SPAG17: variants seen among roughly 807,000 people sequenced by gnomAD.
SPAG17 encodes sperm associated antigen 17.
A neutral mutation model predicts 273.6 loss-of-function variants in SPAG17; 169 were observed. The observed-to-expected ratio is 0.62, with a 90% CI of 0.55 to 0.70. The LOEUF (loss-of-function observed/expected upper bound fraction) is 0.70. Ranked by LOEUF, SPAG17 falls within the 30% of genes least tolerant of loss-of-function variation. The pLI is 0.00. For synonymous variants in SPAG17, 825 were observed against 873.2 expected (o/e 0.94, Z 0.97); for missense variants, 2,557 against 2,627.8 (o/e 0.97, Z 0.59).
rs1457771006 is a variant in SPAG17, at chr1:118,150,556, G to A, written c.302C>T (p.Pro101Leu). 2 of 1,564,770 alleles carry A rather than the reference G, an allele frequency of 1.3e-6. No individual in the cohort carries two copies. Among genetic ancestry groups the A allele is most frequent in the Admixed American group, 3.5e-5 (2 of 56,968 alleles). ...ACTTTCACTTACCTCATAATATAAA[G>A]GAGCATTACCACCTACAGGTTTTTT... The part of the protein sequence containing the change: ...KAKKPVGGNA[P>L]LYYEVLTAAK... The change falls in exon 3 of 49, where the codon CCT becomes CTT. Residue 101 changes from proline (P) to leucine (L), a missense_variant. Physicochemically the swap from Pro to Leu is moderately conservative, Grantham distance 98. Transcript: ENST00000336338.
chr1:117,976,116 C>T (rs749484026), intron 43 of SPAG17, among the ~76,000 whole-genome samples: 13 of 152,126 alleles, frequency 8.5e-5, no homozygotes, highest in Non-Finnish European at 1.6e-4. Flanking sequence ...CCAGGTAGAG[C>T]CTGTACTCTT....
At chr1:118,098,642 C>T (rs1238250509) in intron 6 of SPAG17, among the ~76,000 whole-genome samples, 2 of 152,054 alleles carry the variant, frequency 1.3e-5, no homozygotes, top group African/African-American at 4.8e-5. Flanking sequence ...TGAACCTCAA[C>T]TTTTTAACTT....
At chr1:118,000,751 A>G (rs1205516316) in intron 32 of SPAG17, among the ~76,000 whole-genome samples, 1 of 152,114 alleles carries the variant, frequency 6.6e-6, no homozygotes, top group Admixed American at 6.6e-5. Flanking sequence ...TAAATATACA[A>G]TCATGTCATC....
At chr1:117,994,355 T>TTGGA (rs1256770550) in intron 35 of SPAG17, 51 bp downstream of exon 35, 43 of 1,562,934 alleles carry the variant, frequency 2.8e-5, no homozygotes, top group Non-Finnish European at 3.7e-5. Flanking sequence ...TCCATTGCCC[T>TTGGA]TGGATGGATG....
chr1:118,023,467 A>T lies in SPAG17; in HGVS notation c.3910-4T>A, dbSNP rs1291857849. The T allele has an allele frequency of 9.4e-6, 15 of 1,603,172 alleles. No individual in the cohort carries two copies. Among genetic ancestry groups the T allele is most frequent in the Non-Finnish European group, 1.3e-5 (15 of 1,174,946 alleles). ...CAGCACCATCTGCAAAGAGAATCTG[A>T]AGAATGAACAAAAGTTTTCAGCATT... On this transcript the variant is annotated splice_polypyrimidine_tract_variant and splice_region_variant and intron_variant, in intron 27 of 48. Transcript: ENST00000336338.
At chr1:118,090,868 G>C (rs973460126) in intron 10 of SPAG17, among the ~76,000 whole-genome samples, 9 of 152,034 alleles carry the variant, frequency 5.9e-5, no homozygotes, top group African/African-American at 2.2e-4. Flanking sequence ...AGGGGACAGA[G>C]AGAGACCCTG....
intron 46 of SPAG17, among the ~76,000 whole-genome samples, chr1:117,967,117 T>C (rs1032407097): frequency 2.4e-4 from 36 of 152,158 alleles, no homozygotes; most frequent in African/African-American, 7.9e-4. Flanking sequence ...TAGTGAAATC[T>C]GCAATAGCGG....
rs116790674 is a variant in SPAG17 at position 118,086,984 on chromosome 1, C to T, written c.1384G>A (p.Val462Ile). Reference sequence around the variant, plus strand: ...GATGGCTCCCGCAGACTGGGTGGGACGAGATCTTCTTCAGTTGCAACAACC... The same window carrying T: ...GATGGCTCCCGCAGACTGGGTGGGATGAGATCTTCTTCAGTTGCAACAACC... ...EQVVATEEDLVPPSLREPSPR... is the reference protein window; with the variant it reads ...EQVVATEEDLIPPSLREPSPR... The change falls in exon 11 of 49, where the codon GTC becomes ATC. Residue 462 changes from valine to isoleucine, a missense_variant. By Grantham distance (29) the Val-to-Ile change is conservative. Transcript: ENST00000336338. 7.7e-4 allele frequency: 1,207 copies of T among 1,570,666 alleles called. 13 individuals are homozygous for T. In the African/African-American group the frequency reaches 0.015, roughly 19 times the overall value.
At chr1:118,092,779 A>T (rs1288982497) in intron 8 of SPAG17, among the ~76,000 whole-genome samples, 2 of 152,366 alleles carry the variant, frequency 1.3e-5, no homozygotes, top group East Asian at 3.9e-4. Context: ...CTTGACTGCC[A>T]TCCTCTTTAA....
At chr1:118,037,669 G>A (rs1453904980) in intron 23 of SPAG17, among the ~76,000 whole-genome samples, 1 of 152,156 alleles carries the variant, frequency 6.6e-6, no homozygotes, top group Non-Finnish European at 1.5e-5. Flanking sequence ...GTGCTGCAAA[G>A]TATATGTTTT....
At chr1:117,959,237 T>C in intron 48 of SPAG17, 1 of 1,578,520 alleles carries the variant, frequency 6.3e-7, no homozygotes, top group Non-Finnish European at 8.6e-7. Flanking sequence ...CATACGCTGC[T>C]ATAATGAATT....
rs150874023 is a variant in SPAG17, at chr1:118,167,419, T to C, written c.88-16050A>G. Among the ~76,000 whole-genome samples the C allele has an allele frequency of 1.2e-3, 190 of 152,310 alleles. 1 individual carries two copies. The highest frequency in any genetic ancestry group is 4.4e-3 in the African/African-American group (184 of 41,578). ...ACATGCCTCCAGTTGTGACTGATTTTTTCTTTTAATCTCCTGAAATTTAGA... is the reference window on the plus strand; with the variant it reads ...ACATGCCTCCAGTTGTGACTGATTTCTTCTTTTAATCTCCTGAAATTTAGA... On this transcript the variant is annotated intron_variant, in intron 1 of 48. Transcript: ENST00000336338.
At chr1:118,135,276 C>A (rs995150527) in intron 3 of SPAG17, among the ~76,000 whole-genome samples, 1 of 151,968 alleles carries the variant, frequency 6.6e-6, no homozygotes, top group Non-Finnish European at 1.5e-5. Flanking sequence ...AAAAAAGTGT[C>A]TGGTGTCATG....
chr1:118,184,310 A>G (rs543312536), intron 1 of SPAG17, among the ~76,000 whole-genome samples: 1 of 152,324 alleles, frequency 6.6e-6, no homozygotes, highest in African/African-American at 2.4e-5. Context: ...TTGTACGTAG[A>G]AACAGCTTAA....
At chr1:118,025,667 T>C (rs577541076) in intron 26 of SPAG17, among the ~76,000 whole-genome samples, 58 of 152,186 alleles carry the variant, frequency 3.8e-4, no homozygotes, top group African/African-American at 1.3e-3. Flanking sequence ...AGTTTTTCTA[T>C]TTTTTGTAGA....
rs560572537 is a variant in SPAG17 at position 118,051,925 on chromosome 1, TTATAA to T, written c.2814+2072_2814+2076del. 7.9e-3 allele frequency among the ~76,000 whole-genome samples: 1,075 copies of T among 135,834 alleles called. 44 individuals are homozygous for T. The highest frequency in any genetic ancestry group is 0.027 in the African/African-American group (1,012 of 36,900). The allele number at this position is 135,834 out of a possible 152,430, so 89.1% of individuals were successfully genotyped here. On this transcript the variant is annotated intron_variant, in intron 20 of 48. Transcript: ENST00000336338. Reference sequence around the variant, plus strand: ...ATAAACTATTATAATACATAAACTATTATAATATATATAATACTATGTATACATAT... The same window carrying T: ...ATAAACTATTATAATACATAAACTATTATATATAATACTATGTATACATAT...
At chr1:118,171,285 A>C (rs955368495) in intron 1 of SPAG17, among the ~76,000 whole-genome samples, 5 of 152,112 alleles carry the variant, frequency 3.3e-5, no homozygotes, top group Non-Finnish European at 5.9e-5. Flanking sequence ...TGGAATAGTG[A>C]GAAAATATAA....
intron 43 of SPAG17, among the ~76,000 whole-genome samples, chr1:117,980,520 C>T (rs1209150140): frequency 1.3e-5 from 2 of 152,206 alleles, no homozygotes; most frequent in Non-Finnish European, 2.9e-5. Context: ...GCATGAGCCA[C>T]AGTGCCTGGC....
chr1:118,115,504 T>C (rs1657021037), intron 3 of SPAG17, 63 bp from the exon 4 acceptor site: 3 of 1,464,072 alleles, frequency 2.0e-6, no homozygotes, highest in Non-Finnish European at 2.8e-6. Flanking sequence ...AGTCTGTCAG[T>C]GATGAAAAGA....
Sources: gnomAD v4.1 joint callset for allele counts (sites outside exome capture counted in the v4.1 genomes callset) on GRCh38, gnomAD v4.1.1 for gene constraint, MANE v1.5 for transcripts, NCBI Gene and HGNC (gene_info 2026-07-23, HGNC 2026-07-21) for gene names.